Variants in DNAAF5 observed in about 807,000 individuals in gnomAD.
The protein encoded by DNAAF5 is dynein axonemal assembly factor 5.
A neutral mutation model predicts 75.8 loss-of-function variants in DNAAF5; 64 were observed. That is an observed-to-expected ratio of 0.84 (90% CI 0.69 to 1.04). The LOEUF (loss-of-function observed/expected upper bound fraction) is 1.04, where lower values mean the gene tolerates loss of function less well. Ranked by LOEUF, DNAAF5 falls within the 50% of genes least tolerant of loss-of-function variation. The pLI, the probability that DNAAF5 is intolerant of heterozygous loss-of-function variation, is 0.00. For missense variants in DNAAF5, 1,269 were observed against 1,178.5 expected (o/e 1.08, Z -1.12); for synonymous variants, 657 against 557.2 (o/e 1.18, Z -2.52).
rs1487478931 is a variant in DNAAF5 at position 754,447 on chromosome 7, C to T, written c.1025-142C>T. ...ATGTTCTGAACGACGGGGCATTTGTCAGCTTTGCGTCCACCCCAAGACTTG... is the reference window on the plus strand; with the variant it reads ...ATGTTCTGAACGACGGGGCATTTGTTAGCTTTGCGTCCACCCCAAGACTTG... On this transcript the variant is annotated intron_variant, in intron 4 of 12. Transcript: ENST00000297440. The surrounding 1 kb of genome is among the most constrained non-coding windows in gnomAD (Gnocchi z 4.8). 2.7e-6 allele frequency: 2 copies of T among 746,896 alleles called. No homozygotes were observed. Among genetic ancestry groups the T allele is most frequent in the Non-Finnish European group, 4.7e-6 (2 of 428,182 alleles). 46.3% of individuals were successfully genotyped at this position (746,896 alleles called of 1,614,324 possible).
intron 12 of DNAAF5, among the ~76,000 whole-genome samples, chr7:783,051 T>C (rs1313309611): frequency 6.6e-6 from 1 of 152,232 alleles, no homozygotes; most frequent in Non-Finnish European, 1.5e-5. Flanking sequence ...AAGCTTTGGC[T>C]CATTGTGATT....
At chr7:740,302 G>A (rs1465650368) in intron 2 of DNAAF5, among the ~76,000 whole-genome samples, 1 of 152,238 alleles carries the variant, frequency 6.6e-6, no homozygotes, top group Non-Finnish European at 1.5e-5. Flanking sequence ...CAGACACCCA[G>A]CAGCAGAACT....
At position 780,133 on chromosome 7, in the gene DNAAF5, A is replaced by G. The variant is rs201177019; in HGVS notation, c.2420A>G (p.Asp807Gly). The change falls in exon 12 of 13, where the codon GAT becomes GGT. Residue 807 changes from aspartate to glycine, a missense_variant. Transcript: ENST00000297440. Reference protein sequence around the residue: ...HLDDPERAIQDAILEVLKEGS... With the variant: ...HLDDPERAIQGAILEVLKEGS... ...GACGATCCAGAGAGGGCCATCCAGG[A>G]TGCAATTTTAGGTGAGACTCCGACG... 19 of 1,613,748 alleles carry G rather than the reference A, an allele frequency of 1.2e-5. No homozygotes were observed. In the East Asian group the frequency reaches 3.1e-4, roughly 27 times the overall value.
chr7:775,297 T>TAATTCCAGC, intron 11 of DNAAF5, 135 bp downstream of exon 11: 1 of 794,762 alleles, frequency 1.3e-6, no homozygotes, highest in South Asian at 1.7e-5. Flanking sequence ...TTCACACCTT[T>TAATTCCAGC]AATTCCAGCA....
At chr7:766,437 A>T (rs1013895578) in intron 8 of DNAAF5, among the ~76,000 whole-genome samples, 1 of 152,226 alleles carries the variant, frequency 6.6e-6, no homozygotes, top group Non-Finnish European at 1.5e-5. Context: ...TTAAATTTTA[A>T]TTATTTTAAA....
At position 768,075 on chromosome 7, in the gene DNAAF5, G is replaced by C. The variant is rs377339054; in HGVS notation, c.1784-2396G>C. Among the ~76,000 whole-genome samples, 264 of 148,146 alleles carry C rather than the reference G, an allele frequency of 1.8e-3. 3 individuals carry two copies. The highest frequency in any genetic ancestry group is 6.0e-3 in the African/African-American group (246 of 40,708). On this transcript the variant is annotated intron_variant, in intron 8 of 12. Coordinates refer to ENST00000297440, the MANE Select transcript of DNAAF5 (RefSeq NM_017802.4). ...ACACGTGGTCCGGGCGGAAGTGTCC[G>C]TGCAGCGAGCGGGAGCTCGCGCTGG...
chr7:774,758 C>T (rs1160116679), intron 10 of DNAAF5, among the ~76,000 whole-genome samples: 1 of 152,202 alleles, frequency 6.6e-6, no homozygotes, highest in Non-Finnish European at 1.5e-5. Flanking sequence ...CCCAGGCGAG[C>T]CATTACCCTG....
At chr7:782,601 G>T (rs1274758968) in intron 12 of DNAAF5, among the ~76,000 whole-genome samples, 1 of 139,408 alleles carries the variant, frequency 7.2e-6, no homozygotes, top group East Asian at 2.2e-4. Flanking sequence ...GCCGCGTCCC[G>T]TTACGCAGCG....
intron 8 of DNAAF5, among the ~76,000 whole-genome samples, chr7:764,594 G>A (rs1416587068): frequency 6.6e-6 from 1 of 152,190 alleles, no homozygotes; most frequent in Non-Finnish European, 1.5e-5. Context: ...CTGCAGCTCC[G>A]AGTGCCCCCG....
At position 732,685 on chromosome 7, in the gene DNAAF5, A is replaced by G; in HGVS notation, c.780+2838A>G. ...GATCTGTCCATTTTTAAATCGCGTTATTAGATTTTTTTCTATTGAGTTTGA... is the reference window on the plus strand; with the variant it reads ...GATCTGTCCATTTTTAAATCGCGTTGTTAGATTTTTTTCTATTGAGTTTGA... On this transcript the variant is annotated intron_variant, in intron 2 of 12. Transcript: ENST00000297440. The G allele has an allele frequency of 8.8e-6, 4 of 452,180 alleles. 1 individual carries two copies. Among genetic ancestry groups the G allele is most frequent in the South Asian group, 4.7e-5 (3 of 64,252 alleles). 28.0% of individuals were successfully genotyped at this position (452,180 alleles called of 1,614,324 possible). A position where few individuals can be genotyped will look rare whatever the true frequency, so the allele number is the denominator to read the frequency against.
chr7:767,971 C>T (rs1190628991), intron 8 of DNAAF5, among the ~76,000 whole-genome samples: 1 of 137,226 alleles, frequency 7.3e-6, no homozygotes, highest in African/African-American at 2.8e-5. Flanking sequence ...CCAGCAGGAG[C>T]GCTCGTGCTT....
intron 4 of DNAAF5, among the ~76,000 whole-genome samples, chr7:743,714 G>T (rs192152791): frequency 6.9e-6 from 1 of 145,894 alleles, no homozygotes; most frequent in Non-Finnish European, 1.5e-5. Context: ...ACTCAGTCTC[G>T]GCTCACTGCA....
Position 727,248 on chromosome 7 carries a change from C to A in DNAAF5, c.528C>A (p.Leu176=), listed in dbSNP as rs1358007541. 3 of 1,347,800 alleles carry A rather than the reference C, an allele frequency of 2.2e-6. No individual in the cohort carries two copies. Among genetic ancestry groups the A allele is most frequent in the Non-Finnish European group, 2.8e-6 (3 of 1,053,008 alleles). 83.5% of individuals were successfully genotyped at this position (1,347,800 alleles called of 1,614,324 possible). A position where few individuals can be genotyped will look rare whatever the true frequency, so the allele number is the denominator to read the frequency against. The change falls in exon 1 of 13, where the codon CTC becomes CTA. Residue 176 remains leucine, a synonymous_variant. Coordinates refer to ENST00000297440, the MANE Select transcript of DNAAF5 (RefSeq NM_017802.4). ...DALRALRCSL[L]DPFAAVRRES... ...TGCGCGCGCTGCGCTGCTCCCTGCT[C>A]GACCCCTTCGCCGCCGTGCGCCGCG...
At chr7:765,133 A>G (rs920247635) in intron 8 of DNAAF5, among the ~76,000 whole-genome samples, 1 of 152,064 alleles carries the variant, frequency 6.6e-6, no homozygotes, top group Non-Finnish European at 1.5e-5. Flanking sequence ...AAACCAAACA[A>G]AAAACAAAGC....
intron 8 of DNAAF5, chr7:769,045 C>T: frequency 3.0e-6 from 2 of 656,014 alleles, no homozygotes; most frequent in Non-Finnish European, 5.6e-6. Context: ...CAGCTGGTCT[C>T]ACCGCGAGGC....
At position 770,391 on chromosome 7, in the gene DNAAF5, C is replaced by T. The variant is rs1042277211; in HGVS notation, c.1784-80C>T. 3.6e-6 allele frequency: 5 copies of T among 1,403,300 alleles called. No individual in the cohort carries two copies. In the African/African-American group the frequency reaches 4.3e-5, roughly 12 times the overall value. The allele number at this position is 1,403,300 out of a possible 1,614,324, so 86.9% of individuals were successfully genotyped here. A position where few individuals can be genotyped will look rare whatever the true frequency, so the allele number is the denominator to read the frequency against. The stretch of plus-strand genomic sequence containing the variant: ...AGTGCCCTCTCCCAGGTGGGAGCGC[C>T]TGAGCCTGGGCCTGTGCTGGATGGG... On this transcript the variant is annotated intron_variant, in intron 8 of 12. Coordinates refer to ENST00000297440, the MANE Select transcript of DNAAF5 (RefSeq NM_017802.4).
intron 4 of DNAAF5, among the ~76,000 whole-genome samples, chr7:742,189 G>A (rs540293611): frequency 4.6e-5 from 7 of 152,246 alleles, no homozygotes; most frequent in African/African-American, 1.4e-4. Context: ...ACTTGCACGC[G>A]GTCAAGTGCT....
At chr7:745,439 C>A (rs960625101) in intron 4 of DNAAF5, among the ~76,000 whole-genome samples, 1 of 152,026 alleles carries the variant, frequency 6.6e-6, no homozygotes, top group Non-Finnish European at 1.5e-5. Context: ...CACACACACA[C>A]ACATATTCAC....
intron 12 of DNAAF5, among the ~76,000 whole-genome samples, chr7:784,024 ACCTCCCC>A: frequency 1.7e-4 from 1 of 5,910 alleles, no homozygotes; most frequent in South Asian, 3.7e-3. Context: ...CGCCGCCCCC[ACCTCCCC>A]CACCTCCCCC....
Sources: allele counts gnomAD v4.1 joint callset (sites outside exome capture counted in the v4.1 genomes callset), GRCh38; gene constraint gnomAD v4.1.1; non-coding constraint Gnocchi (gnomAD v3.1); transcripts MANE v1.5; gene names NCBI Gene and HGNC (gene_info 2026-07-23, HGNC 2026-07-21).